TXNDC11: variants seen among roughly 807,000 people sequenced by gnomAD.
TXNDC11 encodes thioredoxin domain containing 11.
In TXNDC11, 68 loss-of-function variants were observed where a neutral mutation model predicts 78.0. The observed-to-expected ratio is 0.87, with a 90% confidence interval of 0.72 to 1.07. TXNDC11 has a LOEUF of 1.07. TXNDC11 is among the 50% of genes least tolerant of loss of function. TXNDC11 has a pLI of 0.00. For synonymous variants in TXNDC11, 571 were observed against 495.2 expected, an observed-to-expected ratio of 1.15 and a Z score of -2.03; for missense variants, 1,389 against 1,221.8, an observed-to-expected ratio of 1.14 and a Z score of -2.04.
chr16:11,729,529 T>A (rs1232873022), intron 4 of TXNDC11, among the ~76,000 whole-genome samples: 1 of 152,212 alleles, frequency 6.6e-6, no homozygotes, highest in Non-Finnish European at 1.5e-5. Context: ...ATCCAATCTA[T>A]ACAGAATATA....
chr16:11,698,218 ACT>A lies in TXNDC11; in HGVS notation c.1012_1013del (p.Leu339ProfsTer4). On this transcript the variant is annotated frameshift_variant, in exon 7 of 12. Coordinates refer to ENST00000283033, the MANE Select transcript of TXNDC11 (RefSeq NM_015914.7). LOFTEE classifies it high-confidence loss of function. ...FRWLRPHGGKSLLLNNELKKG... is the reference protein window; with the variant it reads ...FRWLRPHGGKXLLLNNELKKG... The stretch of plus-strand genomic sequence containing the variant: ...TCTTCAGCTCGTTATTCAGCAGGAG[ACT>A]CTTGCCTCCGTGTGGCCGCAGCCAC... 6 of 1,613,704 alleles carry A rather than the reference ACT, an allele frequency of 3.7e-6. No individual in the cohort carries two copies. Among genetic ancestry groups the A allele is most frequent in the Non-Finnish European group, 5.1e-6 (6 of 1,179,924 alleles).
At chr16:11,732,029 T>C (rs2052070238) in intron 3 of TXNDC11, among the ~76,000 whole-genome samples, 1 of 152,218 alleles carries the variant, frequency 6.6e-6, no homozygotes, top group Admixed American at 6.5e-5. Context: ...TGAGTTTTCC[T>C]GTTGTGATGT....
intron 2 of TXNDC11, among the ~76,000 whole-genome samples, chr16:11,734,921 G>A (rs1003275126): frequency 1.3e-5 from 2 of 152,176 alleles, no homozygotes; most frequent in African/African-American, 4.8e-5. Context: ...TAGGGCAGGG[G>A]TGTTGGTAGA....
chr16:11,700,420 C>T (rs569709893), intron 6 of TXNDC11, 32 bp downstream of exon 6: 17 of 1,084,726 alleles, frequency 1.6e-5, no homozygotes, highest in Admixed American at 1.1e-4. Context: ...AGAACCACTG[C>T]GCTAACATAA....
At chr16:11,705,305 T>G (rs946490054) in intron 5 of TXNDC11, among the ~76,000 whole-genome samples, 1 of 152,218 alleles carries the variant, frequency 6.6e-6, no homozygotes, top group African/African-American at 2.4e-5. Flanking sequence ...ACTCTCTGTT[T>G]TATTTTTGCA....
chr16:11,724,891 G>T (rs1366093573), intron 4 of TXNDC11, among the ~76,000 whole-genome samples: 2 of 151,998 alleles, frequency 1.3e-5, no homozygotes, highest in African/African-American at 4.8e-5. Context: ...GATTACAGGC[G>T]CCCGCCACCA....
intron 11 of TXNDC11, among the ~76,000 whole-genome samples, chr16:11,680,159 G>T (rs144167758): frequency 8.3e-4 from 127 of 152,282 alleles, no homozygotes; most frequent in African/African-American, 2.9e-3. Context: ...GAGTGTGTAG[G>T]CATGGGGCCT....
chr16:11,701,817 A>C (rs1049523783), intron 5 of TXNDC11, among the ~76,000 whole-genome samples: 11 of 152,174 alleles, frequency 7.2e-5, no homozygotes, highest in African/African-American at 2.7e-4. Flanking sequence ...GAAAAAGGCA[A>C]AACGGCACAG....
chr16:11,737,962 T>C (rs1352673996), intron 1 of TXNDC11, among the ~76,000 whole-genome samples: 1 of 148,816 alleles, frequency 6.7e-6, no homozygotes, highest in South Asian at 2.1e-4. Context: ...ATATCTTAAA[T>C]ATAAAGACAC....
intron 5 of TXNDC11, chr16:11,703,866 TG>T: frequency 1.7e-6 from 1 of 576,808 alleles, no homozygotes; most frequent in Non-Finnish European, 3.2e-6. Flanking sequence ...CCAAGGCGGG[TG>T]GATCACCTGA....
At chr16:11,697,867 C>A (rs1475983481) in intron 7 of TXNDC11, among the ~76,000 whole-genome samples, 1 of 152,228 alleles carries the variant, frequency 6.6e-6, no homozygotes, top group African/African-American at 2.4e-5. Flanking sequence ...CACGGTGTGG[C>A]TTCCCTGCCT....
intron 7 of TXNDC11, among the ~76,000 whole-genome samples, chr16:11,696,324 C>CT (rs1567306271): frequency 6.6e-6 from 1 of 152,222 alleles, no homozygotes; most frequent in African/African-American, 2.4e-5. Context: ...CTGCTAACTC[C>CT]TCCCCTGCCC....
At chr16:11,728,204 A>G (rs1253558841) in intron 4 of TXNDC11, among the ~76,000 whole-genome samples, 1 of 152,198 alleles carries the variant, frequency 6.6e-6, no homozygotes, top group Non-Finnish European at 1.5e-5. Flanking sequence ...TTCTGTCTCT[A>G]TCTTATAGGC....
chr16:11,733,838 C>A, intron 3 of TXNDC11, 144 bp downstream of exon 3: 2 of 617,220 alleles, frequency 3.2e-6, no homozygotes, highest in South Asian at 4.0e-5. Context: ...TTATCCAGAT[C>A]TTTCTTTTTT....
At chr16:11,711,312 T>C (rs541947335) in intron 5 of TXNDC11, among the ~76,000 whole-genome samples, 1 of 152,298 alleles carries the variant, frequency 6.6e-6, no homozygotes, top group African/African-American at 2.4e-5. Flanking sequence ...CTTCGTGTTG[T>C]TGCTGTAACA....
intron 5 of TXNDC11, among the ~76,000 whole-genome samples, chr16:11,702,092 G>GTATATATATATATA (rs35673646): frequency 1.0e-4 from 15 of 144,362 alleles, no homozygotes; most frequent in African/African-American, 3.8e-4. Context: ...GTATGTATGT[G>GTATATATATATATA]TATATATATA....
At chr16:11,697,677 C>G (rs1184766161) in intron 7 of TXNDC11, among the ~76,000 whole-genome samples, 1 of 152,234 alleles carries the variant, frequency 6.6e-6, no homozygotes, top group African/African-American at 2.4e-5. Context: ...GCTGCTCGCT[C>G]TCCTCTGCTG....
intron 5 of TXNDC11, among the ~76,000 whole-genome samples, chr16:11,708,057 C>T (rs1361586034): frequency 6.6e-6 from 1 of 152,036 alleles, no homozygotes; most frequent in Non-Finnish European, 1.5e-5. Flanking sequence ...GCACTCCAGC[C>T]TGGACAACAA....
At position 11,679,804 on chromosome 16, in the gene TXNDC11, G is replaced by A. The variant is rs749468300; in HGVS notation, c.2268C>T (p.Val756=). The change falls in exon 12 of 12, where the codon GTC becomes GTT. Residue 756 remains valine (V), a synonymous_variant. Transcript: ENST00000283033. The surrounding 1 kb of genome is among the most constrained non-coding windows in gnomAD (Gnocchi z 4.6). ...KDLSVKYPED[V]PITLPNLLRF... Reference sequence around the variant, plus strand: ...TCAACAGGTTTGGAAGGGTGATGGGGACGTCTTCGGGGTATTTCACACTTA... The same window carrying A: ...TCAACAGGTTTGGAAGGGTGATGGGAACGTCTTCGGGGTATTTCACACTTA... 2.5e-6 allele frequency: 4 copies of A among 1,613,682 alleles called. No homozygotes were observed. The highest frequency in any genetic ancestry group is 3.4e-6 in the Non-Finnish European group (4 of 1,179,746).
Sources: gnomAD v4.1 joint callset for allele counts (sites outside exome capture counted in the v4.1 genomes callset) on GRCh38, gnomAD v4.1.1 for gene constraint, Gnocchi (gnomAD v3.1) non-coding constraint, MANE v1.5 for transcripts, NCBI Gene and HGNC (gene_info 2026-07-23, HGNC 2026-07-21) for gene names.